Variants in HTR2C observed in about 807,000 individuals in gnomAD.
The protein encoded by HTR2C is 5-hydroxytryptamine receptor 2C.
HTR2C carries 5 observed loss-of-function variants against 21.0 expected under a neutral mutation model. The ratio of observed to expected loss-of-function variants is 0.24; its 90% CI spans 0.12 to 0.50. The LOEUF (loss-of-function observed/expected upper bound fraction) is 0.50, where lower values mean the gene tolerates loss of function less well. HTR2C is among the 20% of genes least tolerant of loss of function. HTR2C has a pLI of 0.98. For synonymous variants in HTR2C, 150 were observed against 145.3 expected, an observed-to-expected ratio of 1.03 and a Z score of -0.23; for missense variants, 271 against 371.2, an observed-to-expected ratio of 0.73 and a Z score of 2.22.
chrX:114,807,306 A>ATACGC, intron 4 of HTR2C, among the ~76,000 whole-genome samples: 1 of 88,940 alleles, frequency 1.1e-5, no homozygotes, highest in African/African-American at 3.9e-5. Context: ...CCATGTATAT[A>ATACGC]CACCATATAT....
At chrX:114,679,260 G>T (rs1931669135) in intron 2 of HTR2C, among the ~76,000 whole-genome samples, 1 of 110,503 alleles carries the variant, frequency 9.0e-6, no homozygotes, top group African/African-American at 3.3e-5. Flanking sequence ...TAATATCACA[G>T]ATTTTTATTT....
intron 2 of HTR2C, among the ~76,000 whole-genome samples, chrX:114,671,594 T>C (rs966530881): frequency 8.9e-6 from 1 of 112,249 alleles, no homozygotes; most frequent in Non-Finnish European, 1.9e-5. Flanking sequence ...TATAACAACA[T>C]GGTGTTTATT....
intron 4 of HTR2C, among the ~76,000 whole-genome samples, chrX:114,738,180 T>A (rs1043400958): frequency 6.3e-5 from 7 of 111,125 alleles, no homozygotes; most frequent in Non-Finnish European, 1.1e-4. Flanking sequence ...CAGTTAGACA[T>A]GGTGAATAAA....
intron 5 of HTR2C, among the ~76,000 whole-genome samples, chrX:114,859,308 G>T (rs2070987767): frequency 9.1e-6 from 1 of 109,555 alleles, no homozygotes; most frequent in African/African-American, 3.4e-5. Context: ...CTGCAGGGTG[G>T]TATGTGTCTG....
chrX:114,823,309 T>C (rs1260184607), intron 4 of HTR2C: 4 of 301,374 alleles, frequency 1.3e-5, no homozygotes, highest in Non-Finnish European at 2.6e-5. Context: ...TTTAGGCTAC[T>C]TGTAATCACA....
chrX:114,716,489 G>A (rs1932999914), intron 2 of HTR2C, among the ~76,000 whole-genome samples: 1 of 110,834 alleles, frequency 9.0e-6, no homozygotes, highest in Admixed American at 9.7e-5. Flanking sequence ...CCAAGCATAG[G>A]AGGAACAGGT....
At chrX:114,826,230 C>T (rs782360321) in intron 4 of HTR2C, among the ~76,000 whole-genome samples, 2 of 109,853 alleles carry the variant, frequency 1.8e-5, no homozygotes, top group African/African-American at 3.3e-5. Context: ...GCCACGATGC[C>T]GGGCTAAGTT....
intron 5 of HTR2C, among the ~76,000 whole-genome samples, chrX:114,864,491 T>G (rs921186810): frequency 1.3e-4 from 15 of 111,713 alleles, no homozygotes; most frequent in African/African-American, 4.9e-4. Context: ...CCTTAACAAC[T>G]TAGTGTAGCT....
At chrX:114,590,322 C>CA (rs1252043906) in intron 1 of HTR2C, among the ~76,000 whole-genome samples, 1 of 111,672 alleles carries the variant, frequency 9.0e-6, no homozygotes, top group Non-Finnish European at 1.9e-5. Flanking sequence ...TTTAAATTGA[C>CA]AAAAAACCTG....
intron 2 of HTR2C, among the ~76,000 whole-genome samples, chrX:114,716,228 T>C (rs782644597): frequency 8.9e-6 from 1 of 112,972 alleles, no homozygotes. Context: ...ACTACCATCA[T>C]AGAGTGATTT....
Position 114,751,804 on chromosome X carries a change from G to C in HTR2C, c.349+20197G>C, listed in dbSNP as rs138701770. 5.4e-5 allele frequency among the ~76,000 whole-genome samples: 6 copies of C among 111,245 alleles called. 1 individual carries two copies. The highest frequency in any genetic ancestry group is 2.0e-4 in the African/African-American group (6 of 30,691). Reference sequence around the variant, plus strand: ...TTTTGCAGTCATGTATTTCCACAATGACCTCTGATCTCTAGTTTGAAAATA... The same window carrying C: ...TTTTGCAGTCATGTATTTCCACAATCACCTCTGATCTCTAGTTTGAAAATA... On this transcript the variant is annotated intron_variant, in intron 4 of 5. Transcript: ENST00000276198.
chrX:114,594,754 A>G (rs1485939088), intron 1 of HTR2C, among the ~76,000 whole-genome samples: 2 of 105,176 alleles, frequency 1.9e-5, no homozygotes, highest in Non-Finnish European at 4.0e-5. Flanking sequence ...ATTCATCCCA[A>G]TATCTACTTT....
chrX:114,824,605 T>C (rs2070662991), intron 4 of HTR2C, among the ~76,000 whole-genome samples: 1 of 111,603 alleles, frequency 9.0e-6, no homozygotes, highest in Admixed American at 9.5e-5. Flanking sequence ...TGACTTTAAA[T>C]TAGGGTCAAG....
intron 4 of HTR2C, among the ~76,000 whole-genome samples, chrX:114,836,874 T>C (rs111882753): frequency 1.4e-4 from 16 of 112,462 alleles, no homozygotes; most frequent in African/African-American, 4.8e-4. Context: ...TGTAAATTTT[T>C]TTATGTACAC....
chrX:114,838,166 T>A (rs2070803939), intron 4 of HTR2C, among the ~76,000 whole-genome samples: 1 of 111,860 alleles, frequency 8.9e-6, no homozygotes, highest in South Asian at 3.7e-4. Context: ...TTGTTAATAT[T>A]TTATTTTGAA....
chrX:114,710,420 T>A (rs184987161), intron 2 of HTR2C, among the ~76,000 whole-genome samples: 1,111 of 77,860 alleles, frequency 0.014, 17 homozygotes, highest in African/African-American at 0.044. Context: ...AGAACCACAA[T>A]AAGAGATAGT....
At chrX:114,812,760 A>C (rs1047397731) in intron 4 of HTR2C, among the ~76,000 whole-genome samples, 243 of 110,579 alleles carry the variant, frequency 2.2e-3, no homozygotes, top group Non-Finnish European at 3.4e-3. Context: ...AAACAAAAAA[A>C]AAAACAAAAA....
At chrX:114,671,644 T>C (rs960438100) in intron 2 of HTR2C, among the ~76,000 whole-genome samples, 1 of 112,166 alleles carries the variant, frequency 8.9e-6, no homozygotes, top group East Asian at 2.8e-4. Context: ...CGAAAATATG[T>C]AATGTTCCTT....
At chrX:114,779,500 T>G (rs1442516398) in intron 4 of HTR2C, among the ~76,000 whole-genome samples, 1 of 111,664 alleles carries the variant, frequency 9.0e-6, no homozygotes, top group Non-Finnish European at 1.9e-5. Flanking sequence ...TTGCAGTTTT[T>G]GCAGTTACTT....
Sources: allele counts gnomAD v4.1 joint callset (sites outside exome capture counted in the v4.1 genomes callset), GRCh38; gene constraint gnomAD v4.1.1; transcripts MANE v1.5; gene names NCBI Gene and HGNC (gene_info 2026-07-23, HGNC 2026-07-21).